Variants in SCN4A observed in about 807,000 individuals in gnomAD.
SCN4A encodes sodium channel protein type 4 subunit alpha.
Under a neutral mutation model 162.0 loss-of-function variants are expected in SCN4A, and 83 were observed. The ratio of observed to expected loss-of-function variants is 0.51; its 90% CI spans 0.43 to 0.61. The LOEUF is 0.61. Ranked by LOEUF, SCN4A falls within the 20% of genes least tolerant of loss-of-function variation. The probability of loss-of-function intolerance (pLI) is 0.00; values close to 1 mark genes in which losing one functional copy is unlikely to be tolerated. For missense variants in SCN4A, 2,196 were observed against 2,462.5 expected (o/e 0.89, Z 2.29); for synonymous variants, 944 against 985.1 (o/e 0.96, Z 0.78).
rs144842694 is a variant in SCN4A at position 63,952,528 on chromosome 17, C to T, written c.2377-628G>A. On this transcript the variant is annotated intron_variant, in intron 13 of 23. Coordinates refer to ENST00000435607, the MANE Select transcript of SCN4A (RefSeq NM_000334.4). Reference sequence around the variant, plus strand: ...AACTGGGCTCAAGTCGCCGAGCTTCCAGGACTTACTGGGAACCTTTATCTT... The same window carrying T: ...AACTGGGCTCAAGTCGCCGAGCTTCTAGGACTTACTGGGAACCTTTATCTT... 3.5e-3 allele frequency among the ~76,000 whole-genome samples: 539 copies of T among 152,272 alleles called. 3 individuals are homozygous for T. Among genetic ancestry groups the T allele is most frequent in the African/African-American group, 0.012 (517 of 41,536 alleles).
chr17:63,945,977 G>A lies in SCN4A; in HGVS notation c.3442-339C>T, dbSNP rs564803387. Among the ~76,000 whole-genome samples the A allele has an allele frequency of 9.9e-5, 15 of 152,092 alleles. No individual in the cohort carries two copies. The highest frequency in any genetic ancestry group is 3.1e-4 in the African/African-American group (13 of 41,408). On this transcript the variant is annotated intron_variant, in intron 18 of 23. Transcript: ENST00000435607. This position sits in a 1 kb window ranked among gnomAD's most constrained non-coding sequence, Gnocchi z 4.4. ...AGCCCCCATAGGAAACTCAGCTCAC[G>A]TGACCCAGCCCCTGCTCATGGGTTT...
At chr17:63,966,907 G>C (rs563566199) in intron 6 of SCN4A, among the ~76,000 whole-genome samples, 1 of 152,214 alleles carries the variant, frequency 6.6e-6, no homozygotes, top group African/African-American at 2.4e-5. Flanking sequence ...AGGGTGAGAA[G>C]GGTTACCTTT....
intron 11 of SCN4A, among the ~76,000 whole-genome samples, chr17:63,960,491 G>C (rs1299468963): frequency 6.6e-6 from 1 of 152,218 alleles, no homozygotes; most frequent in Non-Finnish European, 1.5e-5. Flanking sequence ...CTTCAGGGTT[G>C]GGGAGCATCT....
chr17:63,941,072 G>A lies in SCN4A; in HGVS notation c.5210C>T (p.Ala1737Val), dbSNP rs750185499. 3 of 1,614,004 alleles carry A rather than the reference G, an allele frequency of 1.9e-6. No individual in the cohort carries two copies. Among genetic ancestry groups the A allele is most frequent in the Middle Eastern group, 1.6e-4 (1 of 6,062 alleles). The part of the protein sequence containing the change: ...EEVCAIKIQR[A>V]YRRHLLQRSM... ...GCGCTGTAGCAGGTGCCGGCGGTAG[G>A]CCCTCTGGATCTTGATGGCGCACAC... Residue 1737 changes from alanine to valine, a missense_variant, in exon 24 of 24, where the codon GCC (alanine) becomes GTC (valine). Coordinates refer to ENST00000435607, the MANE Select transcript of SCN4A (RefSeq NM_000334.4). The surrounding 1 kb of genome is among the most constrained non-coding windows in gnomAD (Gnocchi z 6.2).
At chr17:63,965,217 G>T (rs1909400346) in intron 8 of SCN4A, among the ~76,000 whole-genome samples, 1 of 151,974 alleles carries the variant, frequency 6.6e-6, no homozygotes, top group Non-Finnish European at 1.5e-5. Context: ...GCTAATTTTT[G>T]TATTTTTTGT....
chr17:63,957,493 G>C lies in SCN4A; in HGVS notation c.2045C>G (p.Ser682Trp), dbSNP rs751368967. 2.0e-5 allele frequency: 33 copies of C among 1,611,612 alleles called. 1 individual carries two copies. Among genetic ancestry groups the C allele is most frequent in the South Asian group, 1.1e-4 (10 of 91,054 alleles). Residue 682 changes from serine to tryptophan, a missense_variant, in exon 13 of 24, where the codon TCG (serine) becomes TGG (tryptophan). Ser to Trp is a radical substitution (Grantham distance 177). Coordinates refer to ENST00000435607, the MANE Select transcript of SCN4A (RefSeq NM_000334.4). The stretch of plus-strand genomic sequence containing the variant: ...GATGAGCATGTTCAGCGTTGGCCAC[G>C]ACTTGGCCAGCTTGAAGACCCGCAG... ...RLLRVFKLAK[S>W]WPTLNMLIKI... is the part of the protein sequence containing the mutation.
chr17:63,943,845 C>T lies in SCN4A; in HGVS notation c.3918G>A (p.Gly1306=). The part of the protein sequence containing the change: ...DNFNQQKKKL[G]GKDIFMTEEQ... Reference sequence around the variant, plus strand: ...CCTCCGTCATAAAGATGTCTTTCCCCCCTAAGTATAGTGGGATAGGGCTTG... The same window carrying T: ...CCTCCGTCATAAAGATGTCTTTCCCTCCTAAGTATAGTGGGATAGGGCTTG... Residue 1306 remains glycine (G), a synonymous_variant, in exon 22 of 24, where the codon GGG becomes GGA. Transcript: ENST00000435607. 1.2e-6 allele frequency: 2 copies of T among 1,602,628 alleles called. No homozygotes were observed. The highest frequency in any genetic ancestry group is 1.7e-6 in the Non-Finnish European group (2 of 1,169,566).
chr17:63,940,496 C>A lies in SCN4A; in HGVS notation c.*275G>T. On this transcript the variant is annotated 3_prime_UTR_variant, in exon 24 of 24. Coordinates refer to ENST00000435607, the MANE Select transcript of SCN4A (RefSeq NM_000334.4). ...AGGCCAAAAGGAGGGGCGACAGGGC[C>A]CAGAGGAGGTCAGAGCAACTTGCAG... 1 of 439,248 alleles carries A rather than the reference C, an allele frequency of 2.3e-6. No individual in the cohort carries two copies. Among genetic ancestry groups the A allele is most frequent in the Non-Finnish European group, 4.0e-6 (1 of 248,690 alleles). The allele number at this position is 439,248 out of a possible 1,614,324, so 27.2% of individuals were successfully genotyped here. A position where few individuals can be genotyped will look rare whatever the true frequency, so the allele number is the denominator to read the frequency against.
Position 63,941,295 on chromosome 17 carries a change from T to C in SCN4A, c.4987A>G (p.Thr1663Ala). The C allele has an allele frequency of 6.2e-7, 1 of 1,613,870 alleles. No individual in the cohort carries two copies. Reference sequence around the variant, plus strand: ...CCTGGCACCATGGGCAAGTCCAGTGTGATGAGCTTGATCTTGTTGGGCTTG... The same window carrying C: ...CCTGGCACCATGGGCAAGTCCAGTGCGATGAGCTTGATCTTGTTGGGCTTG... ...IAKPNKIKLI[T>A]LDLPMVPGDK... is the part of the protein sequence containing the mutation. The change falls in exon 24 of 24, where the codon ACA becomes GCA. Residue 1663 changes from threonine to alanine, a missense_variant. Thr to Ala is a moderately conservative substitution (Grantham distance 58). Coordinates refer to ENST00000435607, the MANE Select transcript of SCN4A (RefSeq NM_000334.4). The surrounding 1 kb of genome is among the most constrained non-coding windows in gnomAD (Gnocchi z 6.2).
chr17:63,939,079 TGC>T lies in SCN4A; in HGVS notation c.*1690_*1691del, dbSNP rs1491234979. ...GGCCCATAGGCATGGCATGTAGATG[TGC>T]ACACACACACACGTGTTCACACACT... is the stretch of plus-strand genomic sequence containing the variant. On this transcript the variant is annotated 3_prime_UTR_variant, in exon 24 of 24. Transcript: ENST00000435607. 4.1e-5 allele frequency: 3 copies of T among 73,270 alleles called. No homozygotes were observed. Among genetic ancestry groups the T allele is most frequent in the Non-Finnish European group, 7.8e-5 (3 of 38,324 alleles). 4.5% of individuals were successfully genotyped at this position (73,270 alleles called of 1,614,324 possible).
At chr17:63,964,438 G>C (rs748575753) in intron 9 of SCN4A, 30 bp downstream of exon 9, 6 of 1,602,716 alleles carry the variant, frequency 3.7e-6, no homozygotes, top group Non-Finnish European at 5.1e-6. Flanking sequence ...AGAACCCTGG[G>C]TCCTCTATCT....
At chr17:63,968,381 T>C (rs1326340623) in intron 5 of SCN4A, 26 bp from the exon 6 acceptor site, 3 of 1,562,910 alleles carry the variant, frequency 1.9e-6, no homozygotes, top group East Asian at 4.5e-5. Flanking sequence ...GCAAGGATAT[T>C]GGCAGGGGGC....
At chr17:63,960,742 C>A (rs1909221799) in intron 11 of SCN4A, among the ~76,000 whole-genome samples, 3 of 152,164 alleles carry the variant, frequency 2.0e-5, no homozygotes, top group African/African-American at 7.2e-5. Flanking sequence ...GGGGGAGTAA[C>A]CCCTGCAGCC....
rs1022735998 is a variant in SCN4A at position 63,952,891 on chromosome 17, T to C, written c.2377-991A>G. 7.9e-5 allele frequency among the ~76,000 whole-genome samples: 12 copies of C among 152,162 alleles called. No homozygotes were observed. The South Asian group carries it at 1.9e-3, about 24-fold the overall frequency. On this transcript the variant is annotated intron_variant, in intron 13 of 23. Transcript: ENST00000435607. Reference sequence around the variant, plus strand: ...ATCAATCACATGCAATACTGTGGGTTTGGGTGGCAGCAGAGACTGGAGTGC... The same window carrying C: ...ATCAATCACATGCAATACTGTGGGTCTGGGTGGCAGCAGAGACTGGAGTGC...
intron 12 of SCN4A, among the ~76,000 whole-genome samples, chr17:63,958,955 T>C (rs1909158802): frequency 1.3e-5 from 2 of 152,196 alleles, no homozygotes; most frequent in Admixed American, 1.3e-4. Flanking sequence ...GAGCCCCGGC[T>C]TTCAGGTCTG....
Position 63,940,762 on chromosome 17 carries a change from T to A in SCN4A, c.*9A>T, listed in dbSNP as rs753019827. On this transcript the variant is annotated 3_prime_UTR_variant, in exon 24 of 24. Transcript: ENST00000435607. Reference sequence around the variant, plus strand: ...GCCGAGACTCAGTGGGCCACCCCGATGCTGCCTGCTAGACAAGAGACTCCT... The same window carrying A: ...GCCGAGACTCAGTGGGCCACCCCGAAGCTGCCTGCTAGACAAGAGACTCCT... The A allele has an allele frequency of 1.3e-5, 20 of 1,550,496 alleles. No individual in the cohort carries two copies. The Admixed American group carries it at 3.7e-4, about 29-fold the overall frequency.
chr17:63,954,067 A>T (rs1002844924), intron 13 of SCN4A, among the ~76,000 whole-genome samples: 1 of 152,040 alleles, frequency 6.6e-6, no homozygotes. Flanking sequence ...GCCCTGGGGG[A>T]GTGAGAGGGC....
chr17:63,941,220 G>A lies in SCN4A; in HGVS notation c.5062C>T (p.Leu1688=). The A allele has an allele frequency of 1.2e-6, 2 of 1,613,856 alleles. No individual in the cohort carries two copies. The highest frequency in any genetic ancestry group is 1.1e-5 in the South Asian group (1 of 91,076). The change falls in exon 24 of 24, where the codon CTG becomes TTG. Residue 1688 remains leucine (L), a synonymous_variant. Transcript: ENST00000435607. The surrounding 1 kb of genome is among the most constrained non-coding windows in gnomAD (Gnocchi z 6.2). ...GCGTCCATTTCCCCAGAGTCACCCA[G>A]GACCTCTTTGGTCAGGGCAAAGAGG... ...DILFALTKEV[L]GDSGEMDALK...
rs975699275 is a variant in SCN4A, at chr17:63,944,606, A to G, written c.3912+67T>C. The G allele has an allele frequency of 6.6e-6, 10 of 1,524,774 alleles. No individual in the cohort carries two copies. Among genetic ancestry groups the G allele is most frequent in the Non-Finnish European group, 8.9e-6 (10 of 1,125,078 alleles). The allele number at this position is 1,524,774 out of a possible 1,614,324, so 94.5% of individuals were successfully genotyped here. Reference sequence around the variant, plus strand: ...GCGTTTGTGGGTTTGTGCAATGGAGAGTGGACAAAGGAGGCAGGAGGGAGG... The same window carrying G: ...GCGTTTGTGGGTTTGTGCAATGGAGGGTGGACAAAGGAGGCAGGAGGGAGG... On this transcript the variant is annotated intron_variant, in intron 21 of 23. Transcript: ENST00000435607. This position sits in a 1 kb window ranked among gnomAD's most constrained non-coding sequence, Gnocchi z 4.3.
Sources: gnomAD v4.1 joint callset for allele counts (sites outside exome capture counted in the v4.1 genomes callset) on GRCh38, gnomAD v4.1.1 for gene constraint, Gnocchi (gnomAD v3.1) non-coding constraint, MANE v1.5 for transcripts, NCBI Gene and HGNC (gene_info 2026-07-23, HGNC 2026-07-21) for gene names.